The following MARCHF1 variants were observed in gnomAD, a reference collection of about 807,000 sequenced individuals.
MARCHF1 encodes E3 ubiquitin-protein ligase MARCHF1.
In MARCHF1, 40 loss-of-function variants were observed where a neutral mutation model predicts 54.2. The observed-to-expected ratio is 0.74, with a 90% CI of 0.57 to 0.96. MARCHF1 has a LOEUF of 0.96. MARCHF1 is among the 40% of genes least tolerant of loss of function. MARCHF1 has a pLI of 0.00. For synonymous variants in MARCHF1, 236 were observed against 236.3 expected, an observed-to-expected ratio of 1.00 and a Z score of 0.01; for missense variants, 586 against 656.5, an observed-to-expected ratio of 0.89 and a Z score of 1.17.
chr4:164,164,017 T>C (rs893282935), intron 1 of MARCHF1, among the ~76,000 whole-genome samples: 2 of 151,918 alleles, frequency 1.3e-5, no homozygotes, highest in Admixed American at 1.3e-4. Flanking sequence ...GAAAATTGAA[T>C]ATATGTTCAA....
intron 3 of MARCHF1, among the ~76,000 whole-genome samples, chr4:163,874,889 A>G (rs902993577): frequency 6.6e-6 from 1 of 152,160 alleles, no homozygotes; most frequent in East Asian, 1.9e-4. Flanking sequence ...GTCCTCTTTT[A>G]GGCAAAGGTT....
intron 1 of MARCHF1, among the ~76,000 whole-genome samples, chr4:164,115,553 C>T (rs1470275889): frequency 6.6e-6 from 1 of 151,966 alleles, no homozygotes; most frequent in African/African-American, 2.4e-5. Context: ...CAAACATTGG[C>T]ATCAAGTAAT....
At chr4:163,921,423 G>A (rs962115353) in intron 3 of MARCHF1, among the ~76,000 whole-genome samples, 5 of 152,064 alleles carry the variant, frequency 3.3e-5, no homozygotes, top group African/African-American at 7.2e-5. Flanking sequence ...CATATTACAT[G>A]TTTGCCTTTA....
chr4:163,867,850 C>T (rs540672530), intron 3 of MARCHF1, among the ~76,000 whole-genome samples: 8 of 113,404 alleles, frequency 7.1e-5, no homozygotes, highest in Admixed American at 2.2e-4. Flanking sequence ...GCTTATTCTT[C>T]GGGTGAGTAG....
At chr4:163,934,199 A>G (rs548730433) in intron 3 of MARCHF1, among the ~76,000 whole-genome samples, 1 of 152,266 alleles carries the variant, frequency 6.6e-6, no homozygotes, top group South Asian at 2.1e-4. Context: ...GTCCCAAAAA[A>G]GCCTTGTGAA....
intron 2 of MARCHF1, among the ~76,000 whole-genome samples, chr4:164,027,264 G>A (rs775395853): frequency 2.0e-4 from 28 of 142,296 alleles, no homozygotes; most frequent in Non-Finnish European, 3.6e-4. Context: ...GCAAAAAAGA[G>A]CCCCAATAGC....
chr4:163,879,848 C>A (rs987475890), intron 3 of MARCHF1, among the ~76,000 whole-genome samples: 1 of 137,282 alleles, frequency 7.3e-6, no homozygotes, highest in Admixed American at 7.3e-5. Context: ...TTTTATAATC[C>A]AAAGTTAAGG....
intron 1 of MARCHF1, among the ~76,000 whole-genome samples, chr4:164,374,327 G>C (rs1731123075): frequency 6.6e-6 from 1 of 151,964 alleles, no homozygotes; most frequent in Non-Finnish European, 1.5e-5. Context: ...TAATAATTCA[G>C]TCTTATTATT....
chr4:163,744,240 C>T (rs1410238822), intron 4 of MARCHF1, among the ~76,000 whole-genome samples: 3 of 152,042 alleles, frequency 2.0e-5, no homozygotes, highest in African/African-American at 4.8e-5. Context: ...TCTGCATTTT[C>T]GAACCAATTT....
At position 164,040,178 on chromosome 4, in the gene MARCHF1, A is replaced by G. The variant is rs570202933; in HGVS notation, c.-247-51469T>C. ...TATAAATATATAACTATATATAAAT[A>G]TACAAATATATATTATAAATACATT... On this transcript the variant is annotated intron_variant, in intron 2 of 9. Transcript: ENST00000514618. Among the ~76,000 whole-genome samples the G allele has an allele frequency of 1.7e-4, 25 of 144,762 alleles. No individual in the cohort carries two copies. In the South Asian group the frequency reaches 5.3e-3, roughly 31 times the overall value. The allele number at this position is 144,762 out of a possible 152,430, so 95.0% of individuals were successfully genotyped here.
chr4:164,070,376 T>G (rs767547127), intron 2 of MARCHF1, among the ~76,000 whole-genome samples: 11 of 152,080 alleles, frequency 7.2e-5, no homozygotes, highest in Non-Finnish European at 1.3e-4. Context: ...CCCCAAGAGA[T>G]TTGAGATATT....
At chr4:164,351,694 A>C (rs973672662) in intron 1 of MARCHF1, among the ~76,000 whole-genome samples, 1 of 151,946 alleles carries the variant, frequency 6.6e-6, no homozygotes, top group Non-Finnish European at 1.5e-5. Context: ...AACTCTAAAA[A>C]GCAGAGCGCC....
At chr4:164,038,362 C>G (rs189653997) in intron 2 of MARCHF1, among the ~76,000 whole-genome samples, 1 of 151,956 alleles carries the variant, frequency 6.6e-6, no homozygotes, top group Admixed American at 6.6e-5. Flanking sequence ...GGCGTGGTGG[C>G]GGCACCTGTA....
chr4:163,740,668 T>C (rs1402565350), intron 4 of MARCHF1, among the ~76,000 whole-genome samples: 1 of 152,194 alleles, frequency 6.6e-6, no homozygotes, highest in Admixed American at 6.5e-5. Context: ...ATATAAACAT[T>C]CTTACAAAGA....
At chr4:164,273,461 G>C (rs752383334) in intron 1 of MARCHF1, among the ~76,000 whole-genome samples, 2 of 152,086 alleles carry the variant, frequency 1.3e-5, no homozygotes, top group African/African-American at 2.4e-5. Flanking sequence ...GGGATACAAA[G>C]CCTAACCATA....
rs1744403086 is a variant in MARCHF1 at position 163,690,205 on chromosome 4, C to T, written c.162+10608G>A. Among the ~76,000 whole-genome samples the T allele has an allele frequency of 3.9e-5, 6 of 152,186 alleles. No individual in the cohort carries two copies. In the South Asian group the frequency reaches 1.2e-3, roughly 32 times the overall value. On this transcript the variant is annotated intron_variant, in intron 5 of 9. Coordinates refer to ENST00000514618, the MANE Select transcript of MARCHF1 (RefSeq NM_001394959.1). ...TTGCAGCCTCATTTCTGAATTTCAA[C>T]CCCACAAATGTAGTTTTTCAACAAA...
intron 1 of MARCHF1, among the ~76,000 whole-genome samples, chr4:164,149,341 C>T (rs144083128): frequency 2.8e-3 from 429 of 152,242 alleles, no homozygotes; most frequent in Non-Finnish European, 5.1e-3. Flanking sequence ...TCTAGCTCTT[C>T]TCTAAGATCT....
chr4:163,555,818 C>T, intron 8 of MARCHF1: 1 of 373,604 alleles, frequency 2.7e-6, no homozygotes, highest in East Asian at 7.9e-5. Context: ...CCCTGGAAGC[C>T]CATTTCTGTT....
intron 1 of MARCHF1, among the ~76,000 whole-genome samples, chr4:164,156,629 C>T (rs1579580901): frequency 6.6e-6 from 1 of 152,158 alleles, no homozygotes; most frequent in South Asian, 2.1e-4. Flanking sequence ...ACCATGTTGC[C>T]CAGGTCGGTC....
Sources: allele counts gnomAD v4.1 joint callset (sites outside exome capture counted in the v4.1 genomes callset), GRCh38; gene constraint gnomAD v4.1.1; transcripts MANE v1.5; gene names NCBI Gene and HGNC (gene_info 2026-07-23, HGNC 2026-07-21).